Variants in IRX2 observed in about 807,000 individuals in gnomAD.
IRX2 encodes iroquois homeobox 2.
IRX2 carries 26 observed loss-of-function variants against 42.9 expected under a neutral mutation model. The ratio of observed to expected loss-of-function variants is 0.61; its 90% CI spans 0.44 to 0.84. The LOEUF (loss-of-function observed/expected upper bound fraction) is 0.84. IRX2 is among the 40% of genes least tolerant of loss of function. IRX2 has a pLI of 0.00. For missense variants in IRX2, 782 were observed against 713.9 expected (o/e 1.10, Z -1.09); for synonymous variants, 424 against 353.9 (o/e 1.20, Z -2.22).
At position 2,748,907 on chromosome 5, in the gene IRX2, C is replaced by T. The variant is rs766887002; in HGVS notation, c.801G>A (p.Glu267=). 4 of 1,596,300 alleles carry T rather than the reference C, an allele frequency of 2.5e-6. No individual in the cohort carries two copies. The highest frequency in any genetic ancestry group is 3.4e-6 in the Non-Finnish European group (4 of 1,179,252). The change falls in exon 3 of 4, where the codon GAG becomes GAA. Residue 267 remains glutamate (E), a synonymous_variant. Coordinates refer to ENST00000302057, the MANE Select transcript of IRX2 (RefSeq NM_033267.5). The part of the protein sequence containing the change: ...KDKYDDLEDD[E]DDDEEGERGL... ...CCCGCTCGCCCTCCTCGTCGTCGTC[C>T]TCGTCGTCCTCCAGGTCGTCATACT...
Position 2,748,418 on chromosome 5 carries a change from G to A in IRX2, c.1290C>T (p.Asp430=), listed in dbSNP as rs1017366902. The part of the protein sequence containing the change: ...ALHTAPKAAS[D]AGKAGAHPLE... ...GCGGGTGCGCGCCCGCCTTGCCCGC[G>A]TCGCTGGCCGCCTTTGGCGCGGTGT... Residue 430 remains aspartate (D), a synonymous_variant, in exon 3 of 4, where the codon GAC becomes GAT. Transcript: ENST00000302057. The A allele has an allele frequency of 1.3e-6, 2 of 1,512,738 alleles. No individual in the cohort carries two copies. Among genetic ancestry groups the A allele is most frequent in the African/African-American group, 1.4e-5 (1 of 69,478 alleles). 93.7% of individuals were successfully genotyped at this position (1,512,738 alleles called of 1,614,324 possible). A position where few individuals can be genotyped will look rare whatever the true frequency, so the allele number is the denominator to read the frequency against.
chr5:2,735,801 A>C, the IRX2 span, among the ~76,000 whole-genome samples: 1 of 152,222 alleles, frequency 6.6e-6, no homozygotes, highest in Admixed American at 6.5e-5. Flanking sequence ...TGAACTGCTG[A>C]TAAGATGCTC....
In IRX2 at chr5:2,748,544, G is replaced by C. The variant is rs572317329; in HGVS notation, c.1164C>G (p.Phe388Leu). 6.3e-7 allele frequency: 1 copy of C among 1,577,664 alleles called. No homozygotes were observed. The highest frequency in any genetic ancestry group is 1.8e-5 in the Admixed American group (1 of 56,284). ...TCCCGTAGTTTGTGTAGTTGCCGTA[G>C]AAGGGCGACGTGTAGTAGAGGGGGC... ...LGRPLYYTSP[F>L]YGNYTNYGNL... Residue 388 changes from phenylalanine to leucine, a missense_variant, in exon 3 of 4, where the codon TTC becomes TTG. Phe to Leu is a conservative substitution (Grantham distance 22). Coordinates refer to ENST00000302057, the MANE Select transcript of IRX2 (RefSeq NM_033267.5).
chr5:2,741,566 CAGATA>C (rs529365495), downstream of IRX2, among the ~76,000 whole-genome samples: 131 of 152,140 alleles, frequency 8.6e-4, no homozygotes, highest in African/African-American at 3.1e-3. Flanking sequence ...ATTACCAGAT[CAGATA>C]AATGAAAAAA....
At chr5:2,738,030 G>C in the IRX2 span, among the ~76,000 whole-genome samples, 1 of 152,178 alleles carries the variant, frequency 6.6e-6, no homozygotes, top group Non-Finnish European at 1.5e-5. Context: ...TGGAAAGTTG[G>C]GGTGCATCGG....
intron 1 of IRX2, among the ~76,000 whole-genome samples, chr5:2,750,912 G>A (rs1263413318): frequency 6.6e-6 from 1 of 152,006 alleles, no homozygotes; most frequent in Non-Finnish European, 1.5e-5. Context: ...AAAATCAGCC[G>A]GCGAGCCGAG....
At chr5:2,749,225 C>T (rs1327859949) in intron 2 of IRX2, among the ~76,000 whole-genome samples, 157 bp downstream of exon 2, 1 of 152,226 alleles carries the variant, frequency 6.6e-6, no homozygotes, top group Non-Finnish European at 1.5e-5. Flanking sequence ...CGAGGAATCG[C>T]TCGCTCAAAT....
At chr5:2,748,313 C>A (rs111879512) in intron 3 of IRX2, 32 bp downstream of exon 3, 1 of 1,378,258 alleles carries the variant, frequency 7.3e-7, no homozygotes, top group South Asian at 1.7e-5. Flanking sequence ...TCTCCCTCCC[C>A]TCCCGGGCGC....
Position 2,748,370 on chromosome 5 carries a change from C to T in IRX2, c.1338G>A (p.Pro446=). The T allele has an allele frequency of 1.4e-6, 2 of 1,459,944 alleles. No homozygotes were observed. The highest frequency in any genetic ancestry group is 2.7e-5 in the South Asian group (2 of 73,822). 90.4% of individuals were successfully genotyped at this position (1,459,944 alleles called of 1,614,324 possible). Residue 446 remains proline, a synonymous_variant, in exon 3 of 4, where the codon CCG becomes CCA. Transcript: ENST00000302057. The part of the protein sequence containing the change: ...AHPLESHYRS[P]GGGYEPKKDA... ...CTTTCTTGGGCTCGTAGCCGCCGCC[C>T]GGGGACCGGTAGTGGGACTCGAGCG... is the stretch of plus-strand genomic sequence containing the variant.
At chr5:2,750,484 A>G (rs535699106) in intron 1 of IRX2, among the ~76,000 whole-genome samples, 1 of 152,200 alleles carries the variant, frequency 6.6e-6, no homozygotes, top group South Asian at 2.1e-4. Flanking sequence ...CAGCTCAGTA[A>G]CCTCGAGACT....
intron 1 of IRX2, among the ~76,000 whole-genome samples, chr5:2,750,321 C>T (rs570199181): frequency 5.1e-4 from 77 of 152,370 alleles, no homozygotes; most frequent in African/African-American, 1.8e-3. Flanking sequence ...TTAATTCATC[C>T]TTTAACGTTT....
chr5:2,736,610 A>G, the IRX2 span: 1 of 152,212 alleles, frequency 6.6e-6, no homozygotes, highest in African/African-American at 2.4e-5. Flanking sequence ...TCACTTTTTA[A>G]TTTTTGAACC....
intron 2 of IRX2, 55 bp downstream of exon 2, chr5:2,749,327 G>A (rs1737834746): frequency 1.3e-6 from 2 of 1,538,964 alleles, no homozygotes; most frequent in Non-Finnish European, 8.7e-7. Flanking sequence ...TTAGCTCTGC[G>A]CCCCGCCTGG....
chr5:2,738,836 G>C, the IRX2 span, among the ~76,000 whole-genome samples: 1 of 152,232 alleles, frequency 6.6e-6, no homozygotes, highest in Non-Finnish European at 1.5e-5. Context: ...GCCCCAGTCA[G>C]GGCCGCCAGA....
Position 2,747,463 on chromosome 5 carries a change from GAAGCAA to G in IRX2, c.*95_*100del. 1.0e-6 allele frequency: 1 copy of G among 975,418 alleles called. No individual in the cohort carries two copies. The highest frequency in any genetic ancestry group is 1.6e-6 in the Non-Finnish European group (1 of 620,138). The allele number at this position is 975,418 out of a possible 1,614,324, so 60.4% of individuals were successfully genotyped here. ...GCTCTGTCTTCTAACCCCATGACCA[GAAGCAA>G]GAAAAACACATTAAGCAAGTTGGTG... is the stretch of plus-strand genomic sequence containing the variant. On this transcript the variant is annotated 3_prime_UTR_variant, in exon 4 of 4. Transcript: ENST00000302057.
At chr5:2,742,756 T>C (rs956758875), downstream of IRX2, among the ~76,000 whole-genome samples, 2 of 152,224 alleles carry the variant, frequency 1.3e-5, no homozygotes, top group Admixed American at 6.5e-5. Context: ...CAGAGTGTTA[T>C]TGAAATTTGA....
In IRX2 at chr5:2,748,854, G is replaced by C; in HGVS notation, c.854C>G (p.Ser285Trp). Residue 285 changes from serine to tryptophan, a missense_variant, in exon 3 of 4, where the codon TCG becomes TGG. Physicochemically the swap from Ser to Trp is radical, Grantham distance 177. Coordinates refer to ENST00000302057, the MANE Select transcript of IRX2 (RefSeq NM_033267.5). ...CGCCTCCAAGCCGGTAAGCGGCGACGAGGTCACGGGCTTGGGCGGCGCCAG... is the reference window on the plus strand; with the variant it reads ...CGCCTCCAAGCCGGTAAGCGGCGACCAGGTCACGGGCTTGGGCGGCGCCAG... Reference protein sequence around the residue: ...RGLAPPKPVTSSPLTGLEAPL... With the variant: ...RGLAPPKPVTWSPLTGLEAPL... The C allele has an allele frequency of 1.9e-6, 3 of 1,581,054 alleles. No homozygotes were observed. The South Asian group carries it at 3.4e-5, about 18-fold the overall frequency.
chr5:2,744,819 T>C (rs531226010), downstream of IRX2, among the ~76,000 whole-genome samples: 1 of 152,312 alleles, frequency 6.6e-6, no homozygotes, highest in Non-Finnish European at 1.5e-5. Flanking sequence ...ACATAAGAAA[T>C]AACAGAAAAC....
Position 2,748,650 on chromosome 5 carries a change from C to T in IRX2, c.1058G>A (p.Gly353Glu). 1 of 1,385,314 alleles carries T rather than the reference C, an allele frequency of 7.2e-7. No individual in the cohort carries two copies. Among genetic ancestry groups the T allele is most frequent in the African/African-American group, 1.5e-5 (1 of 65,330 alleles). The allele number at this position is 1,385,314 out of a possible 1,614,324, so 85.8% of individuals were successfully genotyped here. Residue 353 changes from glycine to glutamate, a missense_variant, in exon 3 of 4, where the codon GGG becomes GAG. Physicochemically the swap from Gly to Glu is moderately conservative, Grantham distance 98 (BLOSUM62 -2). Around this residue, in one of 3 missense-constraint regions of IRX2, gnomAD observed 520 missense variants for 437.8 expected, o/e 1.19. Transcript: ENST00000302057. Reference sequence around the variant, plus strand: ...GGCCGGCGCGGCGGCCGCGGGCAGCCCCGGTGGCCCGCAGCCCGGGCCCAG... The same window carrying T: ...GGCCGGCGCGGCGGCCGCGGGCAGCTCCGGTGGCCCGCAGCCCGGGCCCAG... ...PSLGPGCGPPGLPAAAAPAST... is the reference protein window; with the variant it reads ...PSLGPGCGPPELPAAAAPAST...
Sources: allele counts gnomAD v4.1 joint callset (sites outside exome capture counted in the v4.1 genomes callset), GRCh38; gene constraint gnomAD v4.1.1; regional missense constraint gnomAD v4.1.1; transcripts MANE v1.5; gene names NCBI Gene and HGNC (gene_info 2026-07-23, HGNC 2026-07-21).